Variants in TEKTL1 observed in about 807,000 individuals in gnomAD.
TEKTL1 encodes tektin-like protein 1.
chr19:15,020,516 C>A, the TEKTL1 span: 1 of 1,613,874 alleles, frequency 6.2e-7, no homozygotes, highest in Non-Finnish European at 8.5e-7. Flanking sequence ...CGGCTCCAAG[C>A]CGTGGACCTC....
chr19:15,019,103 C>T, the TEKTL1 span, among the ~76,000 whole-genome samples: 1 of 152,054 alleles, frequency 6.6e-6, no homozygotes, highest in South Asian at 2.1e-4. Context: ...CGTGAATCAT[C>T]ACACCTTGCT....
chr19:15,013,727 T>A, the TEKTL1 span: 7 of 1,613,692 alleles, frequency 4.3e-6, no homozygotes, highest in Middle Eastern at 1.6e-4. Flanking sequence ...CTGAAAAGCA[T>A]GAAGAGGAAA....
At chr19:15,022,861 C>T in the TEKTL1 span, 14 of 1,581,022 alleles carry the variant, frequency 8.9e-6, no homozygotes, top group Non-Finnish European at 1.2e-5. Context: ...CTGCCCTGCT[C>T]CCTATCCAGG....
chr19:15,021,793 C>T, the TEKTL1 span: 8 of 1,613,176 alleles, frequency 5.0e-6, no homozygotes, highest in South Asian at 5.5e-5. Flanking sequence ...GCTTGCACAC[C>T]GCACCCCACC....
At chr19:15,012,966 C>CT in the TEKTL1 span, among the ~76,000 whole-genome samples, 1 of 151,980 alleles carries the variant, frequency 6.6e-6, no homozygotes, top group Non-Finnish European at 1.5e-5. Flanking sequence ...ATTCCCCTGG[C>CT]TTCAGGAAGT....
At chr19:15,015,435 C>T in the TEKTL1 span, among the ~76,000 whole-genome samples, 59 of 152,266 alleles carry the variant, frequency 3.9e-4, no homozygotes, top group African/African-American at 1.3e-3. Flanking sequence ...TTCCTTTAGT[C>T]CTCTCCAGCT....
the TEKTL1 span, among the ~76,000 whole-genome samples, chr19:15,015,687 A>G: frequency 0.72 from 109,855 of 151,980 alleles, 39,836 homozygotes; most frequent in East Asian, 0.77. Flanking sequence ...TGGAAGACAG[A>G]GCAAGATTCT....
chr19:15,019,160 G>A, the TEKTL1 span, among the ~76,000 whole-genome samples: 1 of 152,070 alleles, frequency 6.6e-6, no homozygotes, highest in Non-Finnish European at 1.5e-5. Flanking sequence ...TGTGGCCCAG[G>A]CTGGTCTTGA....
chr19:15,011,053 G>A, the TEKTL1 span: 1 of 1,578,142 alleles, frequency 6.3e-7, no homozygotes, highest in Non-Finnish European at 8.6e-7. Context: ...TCCGCGTGGA[G>A]ATGATCAAAG....
the TEKTL1 span, among the ~76,000 whole-genome samples, chr19:15,020,931 G>A: frequency 6.6e-6 from 1 of 151,252 alleles, no homozygotes; most frequent in Non-Finnish European, 1.5e-5. Flanking sequence ...CCAGGCTGGA[G>A]TGCAATGGCC....
chr19:15,021,824 C>A, the TEKTL1 span: 1 of 1,614,052 alleles, frequency 6.2e-7, no homozygotes, highest in Non-Finnish European at 8.5e-7. Context: ...GTCGAAAGTT[C>A]ACCTGGAGAC....
the TEKTL1 span, chr19:15,022,734 T>TTTA: frequency 1.1e-6 from 1 of 892,962 alleles, no homozygotes; most frequent in Non-Finnish European, 1.6e-6. Flanking sequence ...TTTTTTTTTT[T>TTTA]CCAGGCACAC....
chr19:15,022,157 C>T, the TEKTL1 span, among the ~76,000 whole-genome samples: 1 of 152,140 alleles, frequency 6.6e-6, no homozygotes, highest in Admixed American at 6.5e-5. Context: ...CCCTCACACA[C>T]ACCCTCACTG....
At chr19:15,021,266 C>A in the TEKTL1 span, 42 of 1,530,452 alleles carry the variant, frequency 2.7e-5, no homozygotes, top group Non-Finnish European at 3.4e-5. Context: ...TCGCCCAGGG[C>A]CCACCACCAC....
chr19:15,020,720 C>T, the TEKTL1 span: 22 of 1,418,222 alleles, frequency 1.6e-5, no homozygotes, highest in South Asian at 2.4e-4. Flanking sequence ...ACTGTCAGTG[C>T]AGCCCGTCGC....
At chr19:15,018,710 C>G in the TEKTL1 span, among the ~76,000 whole-genome samples, 1 of 37,086 alleles carries the variant, frequency 2.7e-5, no homozygotes, top group Non-Finnish European at 6.3e-5. Context: ...GAGACCCTAT[C>G]TCAAAATATG....
At chr19:15,020,567 G>T in the TEKTL1 span, 34 of 1,613,912 alleles carry the variant, frequency 2.1e-5, no homozygotes, top group Non-Finnish European at 2.7e-5. Flanking sequence ...CAGGCCAGAC[G>T]CCACTCATGG....
the TEKTL1 span, among the ~76,000 whole-genome samples, chr19:15,022,591 A>T: frequency 6.6e-6 from 1 of 151,934 alleles, no homozygotes; most frequent in Admixed American, 6.6e-5. Flanking sequence ...GGCCTCCCAA[A>T]GTGCTGGGAT....
At chr19:15,014,273 C>T in the TEKTL1 span, among the ~76,000 whole-genome samples, 1 of 152,096 alleles carries the variant, frequency 6.6e-6, no homozygotes, top group African/African-American at 2.4e-5. Context: ...GAAGAGCAGC[C>T]AGACTTCAGG....
Sources: allele counts gnomAD v4.1 joint callset (sites outside exome capture counted in the v4.1 genomes callset), GRCh38; gene constraint gnomAD v4.1.1; transcripts MANE v1.5; gene names NCBI Gene and HGNC (gene_info 2026-07-23, HGNC 2026-07-21).